The following STARD13 variants were observed in gnomAD, a reference collection of about 807,000 sequenced individuals.
The protein encoded by STARD13 is StAR related lipid transfer domain containing 13, also known as stAR-related lipid transfer protein 13.
STARD13 carries 62 observed loss-of-function variants against 106.4 expected under a neutral mutation model. That is an observed-to-expected ratio of 0.58 (90% CI 0.48 to 0.72). The LOEUF (loss-of-function observed/expected upper bound fraction) is 0.72, where lower values mean the gene tolerates loss of function less well. Ranked by LOEUF, STARD13 falls within the 30% of genes least tolerant of loss-of-function variation. The pLI is 0.00. For synonymous variants in STARD13, 565 were observed against 553.0 expected (o/e 1.02, Z -0.31); for missense variants, 1,387 against 1,424.0 (o/e 0.97, Z 0.42).
chr13:33,379,816 C>T, the STARD13 span, among the ~76,000 whole-genome samples: 1 of 152,208 alleles, frequency 6.6e-6, no homozygotes, highest in Non-Finnish European at 1.5e-5. Flanking sequence ...CTTGCTTAGT[C>T]ACTTTACTGT....
chr13:33,333,885 C>G (rs2077865046), intron 1 of STARD13: 1 of 152,128 alleles, frequency 6.6e-6, no homozygotes. Context: ...TCACAAGAGT[C>G]AGTGTGACTT....
the STARD13 span, among the ~76,000 whole-genome samples, chr13:33,592,249 C>T: frequency 4.6e-5 from 7 of 152,104 alleles, no homozygotes; most frequent in East Asian, 1.9e-4. Flanking sequence ...GTTTTCCATG[C>T]GTATGAATCA....
intron 1 of STARD13, among the ~76,000 whole-genome samples, chr13:33,201,854 G>A (rs1040864011): frequency 1.3e-5 from 2 of 152,108 alleles, no homozygotes; most frequent in East Asian, 3.8e-4. Flanking sequence ...AAAAATGGAG[G>A]CCTTATGGTC....
chr13:33,121,290 A>G (rs1296476283), intron 7 of STARD13, among the ~76,000 whole-genome samples: 3 of 152,172 alleles, frequency 2.0e-5, no homozygotes, highest in African/African-American at 7.2e-5. Context: ...GTTTTGGCCG[A>G]GCACAGTGGC....
chr13:33,497,083 A>C, the STARD13 span, among the ~76,000 whole-genome samples: 1 of 152,152 alleles, frequency 6.6e-6, no homozygotes, highest in Non-Finnish European at 1.5e-5. Flanking sequence ...AATTTTGAGA[A>C]GAATAAAAGA....
chr13:33,298,820 T>C (rs1443132954), intron 1 of STARD13, among the ~76,000 whole-genome samples: 1 of 152,196 alleles, frequency 6.6e-6, no homozygotes, highest in Non-Finnish European at 1.5e-5. Context: ...TGAATGGGCA[T>C]GGCAAGAGCT....
the STARD13 span, among the ~76,000 whole-genome samples, chr13:33,478,026 T>G: frequency 6.6e-6 from 1 of 152,190 alleles, no homozygotes; most frequent in Non-Finnish European, 1.5e-5. Context: ...CTCCAATTCC[T>G]GTTTTCCTAA....
At chr13:33,338,282 C>T (rs1297687999) in intron 1 of STARD13, among the ~76,000 whole-genome samples, 2 of 152,148 alleles carry the variant, frequency 1.3e-5, no homozygotes, top group Admixed American at 6.5e-5. Context: ...TTTAGACTCA[C>T]GGTCTAGTTT....
the STARD13 span, among the ~76,000 whole-genome samples, chr13:33,674,308 G>T: frequency 1.3e-5 from 2 of 151,942 alleles, no homozygotes; most frequent in Non-Finnish European, 2.9e-5. Flanking sequence ...TCTTCAAATG[G>T]GACATGAAAT....
At chr13:33,144,603 T>G (rs910509478) in intron 3 of STARD13, among the ~76,000 whole-genome samples, 3 of 152,228 alleles carry the variant, frequency 2.0e-5, no homozygotes, top group Non-Finnish European at 1.5e-5. Context: ...GTGTCAGATA[T>G]AGCAGGCAAT....
At chr13:33,315,620 T>C (rs1017289317) in intron 1 of STARD13, among the ~76,000 whole-genome samples, 1 of 152,166 alleles carries the variant, frequency 6.6e-6, no homozygotes, top group African/African-American at 2.4e-5. Context: ...TCATGTACCT[T>C]AAGACAGAAG....
the STARD13 span, among the ~76,000 whole-genome samples, chr13:33,585,280 TATG>T: frequency 2.0e-5 from 3 of 152,208 alleles, no homozygotes; most frequent in African/African-American, 4.8e-5. Flanking sequence ...CTTCAGGGCA[TATG>T]CCCTAAAAAA....
the STARD13 span, among the ~76,000 whole-genome samples, chr13:33,564,948 A>T: frequency 7.1e-6 from 1 of 141,442 alleles, no homozygotes; most frequent in African/African-American, 2.6e-5. Flanking sequence ...AGCCGAGGTC[A>T]CGCCACTGCA....
In STARD13 at chr13:33,209,567, A is replaced by G. The variant is rs141142956; in HGVS notation, c.170-41945T>C. Among the ~76,000 whole-genome samples the G allele has an allele frequency of 3.2e-3, 486 of 152,278 alleles. 5 individuals carry two copies. Among genetic ancestry groups the G allele is most frequent in the African/African-American group, 0.011 (467 of 41,560 alleles). Reference sequence around the variant, plus strand: ...TAAACTGAACACAGCAACAACAATTAGGACAGATCTGCTGGTCGTCAGTCC... The same window carrying G: ...TAAACTGAACACAGCAACAACAATTGGGACAGATCTGCTGGTCGTCAGTCC... On this transcript the variant is annotated intron_variant, in intron 1 of 13. Coordinates refer to ENST00000336934, the MANE Select transcript of STARD13 (RefSeq NM_178006.4).
In STARD13 at chr13:33,172,636, T is replaced by C. The variant is rs546917187; in HGVS notation, c.170-5014A>G. On this transcript the variant is annotated intron_variant, in intron 1 of 13. Coordinates refer to ENST00000336934, the MANE Select transcript of STARD13 (RefSeq NM_178006.4). Reference sequence around the variant, plus strand: ...GCATGCTTGGGAACAGTGTGTTCTCTTGGCTAAGCATTTTAAGTATGTACA... The same window carrying C: ...GCATGCTTGGGAACAGTGTGTTCTCCTGGCTAAGCATTTTAAGTATGTACA... 1.0e-3 allele frequency among the ~76,000 whole-genome samples: 155 copies of C among 152,336 alleles called. 1 individual carries two copies. Among genetic ancestry groups the C allele is most frequent in the African/African-American group, 3.3e-3 (138 of 41,574 alleles).
At chr13:33,589,891 C>A in the STARD13 span, among the ~76,000 whole-genome samples, 2 of 152,090 alleles carry the variant, frequency 1.3e-5, no homozygotes, top group African/African-American at 2.4e-5. Flanking sequence ...CTAATGTTGA[C>A]AGTGGGGTGT....
chr13:33,375,818 A>ATAATGAAAAAGTTCT, the STARD13 span, among the ~76,000 whole-genome samples: 3 of 152,072 alleles, frequency 2.0e-5, no homozygotes, highest in African/African-American at 7.2e-5. Context: ...ATTAGCAGGG[A>ATAATGAAAAAGTTCT]GGGGACACAG....
the STARD13 span, among the ~76,000 whole-genome samples, chr13:33,671,352 T>C: frequency 1.3e-5 from 2 of 152,276 alleles, no homozygotes; most frequent in Admixed American, 1.3e-4. Flanking sequence ...TGTGCAATCA[T>C]TGGCTAGCCC....
chr13:33,633,235 A>T, the STARD13 span, among the ~76,000 whole-genome samples: 1 of 152,208 alleles, frequency 6.6e-6, no homozygotes, highest in South Asian at 2.1e-4. Flanking sequence ...CTAAGGAAAG[A>T]TTTGATGGTT....
Sources: allele counts gnomAD v4.1 joint callset (sites outside exome capture counted in the v4.1 genomes callset), GRCh38; gene constraint gnomAD v4.1.1; transcripts MANE v1.5; gene names NCBI Gene and HGNC (gene_info 2026-07-23, HGNC 2026-07-21).